PCDHGA2: variants seen among roughly 807,000 people sequenced by gnomAD.
PCDHGA2 encodes the protein protocadherin gamma subfamily A, 2.
A neutral mutation model predicts 59.2 loss-of-function variants in PCDHGA2; 40 were observed. The observed-to-expected ratio is 0.68, with a 90% CI of 0.52 to 0.88. The LOEUF (loss-of-function observed/expected upper bound fraction) is 0.88. Ranked by LOEUF, PCDHGA2 falls within the 40% of genes least tolerant of loss-of-function variation. The probability of loss-of-function intolerance (pLI) is 0.00; values close to 1 mark genes in which losing one functional copy is unlikely to be tolerated. For missense variants in PCDHGA2, 1,226 were observed against 1,204.0 expected (o/e 1.02, Z -0.27); for synonymous variants, 560 against 526.0 (o/e 1.06, Z -0.89).
chr5:141,365,735 GTC>G (rs779265335), intron 1 of PCDHGA2: 509 of 1,613,626 alleles, frequency 3.2e-4, no homozygotes, highest in Non-Finnish European at 3.1e-4. Flanking sequence ...TCCCAGAGGT[GTC>G]TCTATCTTCT....
intron 1 of PCDHGA2, chr5:141,403,903 G>T: frequency 1.2e-6 from 2 of 1,613,804 alleles, no homozygotes; most frequent in Non-Finnish European, 1.7e-6. Context: ...TTTATGAAAT[G>T]GAAATACAAG....
chr5:141,343,214 G>T (rs1325860682), intron 1 of PCDHGA2: 1 of 805,268 alleles, frequency 1.2e-6, no homozygotes, highest in African/African-American at 1.9e-5. Flanking sequence ...TTATGTGTTT[G>T]TTTAATGAAT....
chr5:141,394,239 G>T (rs530540432), intron 1 of PCDHGA2: 1 of 1,613,750 alleles, frequency 6.2e-7, no homozygotes, highest in Non-Finnish European at 8.5e-7. Flanking sequence ...TTCCTTGACT[G>T]CACACGACCC....
rs551482869 is a variant in PCDHGA2, at chr5:141,372,722, A to G, written c.2424+31327A>G. On this transcript the variant is annotated intron_variant, in intron 1 of 3. Coordinates refer to ENST00000394576, the MANE Select transcript of PCDHGA2 (RefSeq NM_018915.4). ...TCAATATAAAGGCTGAAAATGCTGCACCACAAGATCTTCTATGTGATGAAG... is the reference window on the plus strand; with the variant it reads ...TCAATATAAAGGCTGAAAATGCTGCGCCACAAGATCTTCTATGTGATGAAG... The G allele has an allele frequency of 2.5e-6, 4 of 1,613,930 alleles. 1 individual carries two copies. In the South Asian group the frequency reaches 4.4e-5, roughly 18 times the overall value.
At chr5:141,474,156 A>C (rs1387216017) in intron 1 of PCDHGA2, among the ~76,000 whole-genome samples, 1 of 152,244 alleles carries the variant, frequency 6.6e-6, no homozygotes, top group East Asian at 1.9e-4. Flanking sequence ...CAAGAAAATG[A>C]CAGGCCTTAT....
chr5:141,375,606 A>C, intron 1 of PCDHGA2: 1 of 1,613,922 alleles, frequency 6.2e-7, no homozygotes, highest in Non-Finnish European at 8.5e-7. Context: ...GTGTCCATCA[A>C]CTCCGACACT....
At chr5:141,414,531 C>A in intron 1 of PCDHGA2, 1 of 1,613,960 alleles carries the variant, frequency 6.2e-7, no homozygotes, top group Non-Finnish European at 8.5e-7. Context: ...TCAATGACAA[C>A]CCACCTACCT....
intron 1 of PCDHGA2, chr5:141,390,892 G>A (rs1476434709): frequency 2.6e-5 from 4 of 152,470 alleles, no homozygotes; most frequent in East Asian, 3.8e-4. Context: ...GTGTGTGAGA[G>A]AGATCCTTTT....
rs755091154 is a variant in PCDHGA2 at position 141,402,943 on chromosome 5, C to T, written c.2424+61548C>T. The stretch of plus-strand genomic sequence containing the variant: ...AGATCCTTTTGAGAAAATTCCAAAG[C>T]GAGGCAGCAATGGCAGCTCCAACCA... On this transcript the variant is annotated intron_variant, in intron 1 of 3. Transcript: ENST00000394576. 1.1e-5 allele frequency: 17 copies of T among 1,590,762 alleles called. No individual in the cohort carries two copies. The African/African-American group carries it at 2.0e-4, about 19-fold the overall frequency.
Position 141,351,079 on chromosome 5 carries a change from G to A in PCDHGA2, c.2424+9684G>A, listed in dbSNP as rs372442454. The A allele has an allele frequency of 1.4e-5, 22 of 1,613,910 alleles. No individual in the cohort carries two copies. The Middle Eastern group carries it at 8.2e-4, about 60-fold the overall frequency. On this transcript the variant is annotated intron_variant, in intron 1 of 3. Coordinates refer to ENST00000394576, the MANE Select transcript of PCDHGA2 (RefSeq NM_018915.4). ...ACCAGGATGAGGGCATTAATGCAGA[G>A]ATCACCTATGCCTTCCTCAATTCCC...
intron 1 of PCDHGA2, among the ~76,000 whole-genome samples, chr5:141,463,316 T>A (rs1290852110): frequency 1.3e-5 from 2 of 151,806 alleles, no homozygotes; most frequent in African/African-American, 2.4e-5. Flanking sequence ...TAATATCTAT[T>A]CCTCAACTCA....
intron 1 of PCDHGA2, chr5:141,405,039 C>T (rs1227328278): frequency 1.2e-6 from 2 of 1,613,880 alleles, no homozygotes; most frequent in Non-Finnish European, 1.7e-6. Flanking sequence ...CTCGTTGTGG[C>T]TGTGGCAGTC....
At chr5:141,357,094 C>T in intron 1 of PCDHGA2, 1 of 1,613,884 alleles carries the variant, frequency 6.2e-7, no homozygotes, top group Non-Finnish European at 8.5e-7. Flanking sequence ...CGCACGGGCC[C>T]TGCTGGACAG....
At chr5:141,375,185 C>G in intron 1 of PCDHGA2, 1 of 1,613,948 alleles carries the variant, frequency 6.2e-7, no homozygotes, top group Non-Finnish European at 8.5e-7. Context: ...AGTAATCGCC[C>G]TTTTTCAAGT....
rs759733821 is a variant in PCDHGA2 at position 141,339,276 on chromosome 5, G to T, written c.305G>T (p.Cys102Phe). The T allele has an allele frequency of 6.2e-7, 1 of 1,614,246 alleles. No homozygotes were observed. Among genetic ancestry groups the T allele is most frequent in the East Asian group, 2.2e-5 (1 of 44,878 alleles). The change falls in exon 1 of 4, where the codon TGT becomes TTT. Residue 102 changes from cysteine (C) to phenylalanine (F), a missense_variant. Transcript: ENST00000394576. ...GAGCTCTGCGCTCAGAGCGCACCCT[G>T]TCTGTTGAATTTTAACATTCTGCTG... ...REELCAQSAP[C>F]LLNFNILLED...
intron 1 of PCDHGA2, chr5:141,351,145 C>T (rs2149761070): frequency 6.2e-7 from 1 of 1,613,972 alleles, no homozygotes; most frequent in Non-Finnish European, 8.5e-7. Flanking sequence ...CAAATACTGG[C>T]GACATCACAA....
rs2099388737 is a variant in PCDHGA2 at position 141,476,307 on chromosome 5, G to T, written c.2425-18500G>T. 1 of 1,613,606 alleles carries T rather than the reference G, an allele frequency of 6.2e-7. No individual in the cohort carries two copies. The highest frequency in any genetic ancestry group is 1.3e-5 in the African/African-American group (1 of 74,728). ...TTGGATCTCGGTAGCCTCTCAGCCC[G>T]CAGGTTCCGGGTGGTGTCTGGAGCT... On this transcript the variant is annotated intron_variant, in intron 1 of 3. Coordinates refer to ENST00000394576, the MANE Select transcript of PCDHGA2 (RefSeq NM_018915.4). The surrounding 1 kb of genome is among the most constrained non-coding windows in gnomAD (Gnocchi z 7.6).
At chr5:141,507,017 C>CACTT (rs763489200) in intron 3 of PCDHGA2, 1 of 152,206 alleles carries the variant, frequency 6.6e-6, no homozygotes, top group Non-Finnish European at 1.5e-5. Flanking sequence ...ACCGAGAAGG[C>CACTT]ACTTGCCCCA....
chr5:141,345,250 C>A, intron 1 of PCDHGA2: 1 of 1,613,950 alleles, frequency 6.2e-7, no homozygotes, highest in Non-Finnish European at 8.5e-7. Context: ...CGCTTAGTGA[C>A]GGCCACATCC....
Sources: gnomAD v4.1 joint callset for allele counts (sites outside exome capture counted in the v4.1 genomes callset) on GRCh38, gnomAD v4.1.1 for gene constraint, Gnocchi (gnomAD v3.1) non-coding constraint, MANE v1.5 for transcripts, NCBI Gene and HGNC (gene_info 2026-07-23, HGNC 2026-07-21) for gene names.